TTC28: variants seen among roughly 807,000 people sequenced by gnomAD.
TTC28 encodes the protein tetratricopeptide repeat protein 28.
In TTC28, 61 loss-of-function variants were observed where a neutral mutation model predicts 198.0. The observed-to-expected ratio is 0.31, with a 90% CI of 0.25 to 0.38. The LOEUF is 0.38. Ranked by LOEUF, TTC28 falls within the 10% of genes least tolerant of loss-of-function variation. The probability of loss-of-function intolerance (pLI) is 1.00; values close to 1 mark genes in which losing one functional copy is unlikely to be tolerated. For missense variants in TTC28, 2,678 were observed against 3,164.0 expected (o/e 0.85, Z 3.69); for synonymous variants, 1,171 against 1,297.8 (o/e 0.90, Z 2.10).
At position 27,983,739 on chromosome 22, in the gene TTC28, G is replaced by T. The variant is rs764673846; in HGVS notation, c.5928C>A (p.Pro1976=). The T allele has an allele frequency of 1.3e-6, 2 of 1,551,508 alleles. No homozygotes were observed. The highest frequency in any genetic ancestry group is 2.4e-5 in the East Asian group (1 of 40,906). ...TGCTGTCCGCACCGGTGGGAGAGAA[G>T]GGGGGTTGCTGGTAACCCAAGGGCA... ...NALPLGYQQP[P]FSPTGADSIA... Residue 1976 remains proline (P), a synonymous_variant, in exon 23 of 23, where the codon CCC becomes CCA. Transcript: ENST00000397906.
chr22:28,027,545 C>T (rs1938885252), intron 13 of TTC28, among the ~76,000 whole-genome samples: 1 of 152,204 alleles, frequency 6.6e-6, no homozygotes, highest in Admixed American at 6.5e-5. Context: ...GCCAAGGAAT[C>T]CATAAAATCA....
chr22:28,538,394 T>C (rs1272090436), intron 2 of TTC28, among the ~76,000 whole-genome samples: 1 of 150,278 alleles, frequency 6.7e-6, no homozygotes, highest in Non-Finnish European at 1.5e-5. Context: ...GGCCTATAGG[T>C]ATATCTTTAT....
chr22:28,296,367 C>T (rs1191013326), intron 4 of TTC28, 39 bp from the exon 5 acceptor site: 2 of 1,474,404 alleles, frequency 1.4e-6, no homozygotes, highest in Non-Finnish European at 1.8e-6. Context: ...AAAAATTTCT[C>T]TAAGTTATAA....
rs150159752 is a variant in TTC28 at position 28,399,409 on chromosome 22, C to A, written c.382-92766G>T. On this transcript the variant is annotated intron_variant, in intron 2 of 22. Coordinates refer to ENST00000397906, the MANE Select transcript of TTC28 (RefSeq NM_001145418.2). ...ATAGCTCGTTGCAGTCTTGACCTCC[C>A]AGGCTCAAGTAATCCTCCCTCCCAT... 5.7e-3 allele frequency among the ~76,000 whole-genome samples: 858 copies of A among 151,438 alleles called. 7 individuals are homozygous for A. Among genetic ancestry groups the A allele is most frequent in the Non-Finnish European group, 9.0e-3 (609 of 67,866 alleles).
intron 2 of TTC28, among the ~76,000 whole-genome samples, chr22:28,578,740 G>A (rs1267552970): frequency 6.6e-6 from 1 of 152,104 alleles, no homozygotes; most frequent in Non-Finnish European, 1.5e-5. Context: ...TGTGTTTTGG[G>A]GGAAGGGAGA....
In TTC28 at chr22:28,046,836, T is replaced by C. The variant is rs918013975; in HGVS notation, c.3933-16470A>G. ...ATATATACACAGGCTGCATGATTGT[T>C]GTATGTGTGGATATACGTGCATGTG... is the stretch of plus-strand genomic sequence containing the variant. On this transcript the variant is annotated intron_variant, in intron 12 of 22. Coordinates refer to ENST00000397906, the MANE Select transcript of TTC28 (RefSeq NM_001145418.2). Among the ~76,000 whole-genome samples, 10 of 152,194 alleles carry C rather than the reference T, an allele frequency of 6.6e-5. 1 individual carries two copies. Among genetic ancestry groups the C allele is most frequent in the South Asian group, 4.1e-4 (2 of 4,828 alleles).
chr22:27,994,457 T>G (rs950539952), intron 17 of TTC28: 22 of 151,826 alleles, frequency 1.4e-4, no homozygotes, highest in Admixed American at 7.9e-4. Context: ...GAGGTTTTTT[T>G]TTTTTTTTTT....
chr22:28,451,299 C>G (rs983946006), intron 2 of TTC28, among the ~76,000 whole-genome samples: 8 of 152,300 alleles, frequency 5.3e-5, no homozygotes, highest in Admixed American at 5.2e-4. Context: ...AAGGGGTAAA[C>G]TAGCCCAGAC....
chr22:28,378,651 AC>A (rs1317679531), intron 2 of TTC28, among the ~76,000 whole-genome samples: 4 of 152,224 alleles, frequency 2.6e-5, no homozygotes, highest in African/African-American at 7.2e-5. Context: ...TGTCAAAAAA[AC>A]AACAACAAAA....
At chr22:28,476,571 A>G (rs2048170298) in intron 2 of TTC28, among the ~76,000 whole-genome samples, 1 of 152,210 alleles carries the variant, frequency 6.6e-6, no homozygotes, top group Non-Finnish European at 1.5e-5. Context: ...GCCACTAGCA[A>G]GATATGACGG....
At chr22:28,398,953 G>C (rs943921440) in intron 2 of TTC28, among the ~76,000 whole-genome samples, 1 of 150,274 alleles carries the variant, frequency 6.7e-6, no homozygotes, top group Non-Finnish European at 1.5e-5. Context: ...TCAGATATAT[G>C]TGTTTTTAAA....
chr22:28,265,439 C>A (rs1931621119), intron 5 of TTC28, among the ~76,000 whole-genome samples: 1 of 152,168 alleles, frequency 6.6e-6, no homozygotes, highest in Non-Finnish European at 1.5e-5. Flanking sequence ...TCTAAGAAGG[C>A]ACCTCAGTTT....
At chr22:28,199,644 G>A (rs1186737451) in intron 5 of TTC28, among the ~76,000 whole-genome samples, 2 of 151,226 alleles carry the variant, frequency 1.3e-5, no homozygotes, top group African/African-American at 2.4e-5. Flanking sequence ...AGCTCTGGAG[G>A]AGGGTTTGTG....
chr22:28,677,200 A>G (rs1438627218), intron 1 of TTC28, among the ~76,000 whole-genome samples: 1 of 94,638 alleles, frequency 1.1e-5, no homozygotes, highest in East Asian at 2.3e-4. Flanking sequence ...ATATATATAT[A>G]TACACACATA....
intron 6 of TTC28, among the ~76,000 whole-genome samples, chr22:28,112,067 C>G (rs922612225): frequency 1.3e-5 from 2 of 152,134 alleles, no homozygotes; most frequent in African/African-American, 4.8e-5. Flanking sequence ...TTGAGACACT[C>G]AATACCTCTG....
At chr22:28,119,021 A>G (rs1303804341) in intron 6 of TTC28, among the ~76,000 whole-genome samples, 1 of 152,182 alleles carries the variant, frequency 6.6e-6, no homozygotes, top group Non-Finnish European at 1.5e-5. Context: ...GCCATTTCTC[A>G]ACTTTGCTGC....
At chr22:28,385,681 C>A (rs1274904663) in intron 2 of TTC28, among the ~76,000 whole-genome samples, 1 of 151,930 alleles carries the variant, frequency 6.6e-6, no homozygotes, top group Non-Finnish European at 1.5e-5. Context: ...TTATTTCATG[C>A]CTCAAAATTT....
chr22:28,248,602 T>C (rs967255696), intron 5 of TTC28, among the ~76,000 whole-genome samples: 4 of 152,162 alleles, frequency 2.6e-5, no homozygotes, highest in Admixed American at 1.3e-4. Context: ...ACTTTGCTGA[T>C]TGCAGCTCTG....
chr22:28,473,282 G>A (rs2048121647), intron 2 of TTC28, among the ~76,000 whole-genome samples: 1 of 152,120 alleles, frequency 6.6e-6, no homozygotes, highest in Non-Finnish European at 1.5e-5. Flanking sequence ...ACTGTATTTG[G>A]ATATAATGCC....
Sources: gnomAD v4.1 joint callset for allele counts (sites outside exome capture counted in the v4.1 genomes callset) on GRCh38, gnomAD v4.1.1 for gene constraint, MANE v1.5 for transcripts, NCBI Gene and HGNC (gene_info 2026-07-23, HGNC 2026-07-21) for gene names.